Variants in PHC3 observed in about 807,000 individuals in gnomAD.
PHC3 encodes the protein polyhomeotic homolog 3, also known as polyhomeotic-like protein 3.
A neutral mutation model predicts 107.4 loss-of-function variants in PHC3; 13 were observed. The observed-to-expected ratio is 0.12, with a 90% CI of 0.08 to 0.19. The LOEUF is 0.19. Ranked by LOEUF, PHC3 falls within the 10% of genes least tolerant of loss-of-function variation. PHC3 has a pLI of 1.00. For synonymous variants in PHC3, 456 were observed against 427.4 expected, an observed-to-expected ratio of 1.07 and a Z score of -0.83; for missense variants, 992 against 1,210.9, an observed-to-expected ratio of 0.82 and a Z score of 2.68.
intron 4 of PHC3, chr3:170,170,836 T>C (rs1729475503): frequency 6.6e-6 from 1 of 152,394 alleles, no homozygotes; most frequent in Non-Finnish European, 1.5e-5. Flanking sequence ...CCTGGGAAAC[T>C]TGGCACAATT....
chr3:170,136,489 C>G lies in PHC3; in HGVS notation c.849G>C (p.Glu283Asp), dbSNP rs768548222. ...TGCTTCGTGATTCCAGGCTTGGGCT[C>G]TCTCCTTTCTTATTACTTTCTGGAG... ...DPSPESNKKGESPSLESRSTA... is the reference protein window; with the variant it reads ...DPSPESNKKGDSPSLESRSTA... Residue 283 changes from glutamate (E) to aspartate (D), a missense_variant, in exon 7 of 15, where the codon GAG (glutamate) becomes GAC (aspartate). By Grantham distance (45) the Glu-to-Asp change is conservative (BLOSUM62 2). Coordinates refer to ENST00000495893, the MANE Select transcript of PHC3 (RefSeq NM_024947.4). 1 of 1,605,644 alleles carries G rather than the reference C, an allele frequency of 6.2e-7. No individual in the cohort carries two copies. Among genetic ancestry groups the G allele is most frequent in the Non-Finnish European group, 8.5e-7 (1 of 1,176,508 alleles).
intron 6 of PHC3, among the ~76,000 whole-genome samples, chr3:170,140,878 A>G (rs1039104289): frequency 3.3e-5 from 5 of 152,042 alleles, no homozygotes; most frequent in Non-Finnish European, 7.4e-5. Flanking sequence ...GATTACAGGC[A>G]TGAGCCATTA....
At chr3:170,152,390 G>A (rs189168909) in intron 4 of PHC3, among the ~76,000 whole-genome samples, 2 of 135,832 alleles carry the variant, frequency 1.5e-5, no homozygotes, top group East Asian at 2.2e-4. Flanking sequence ...GTTTCATGGT[G>A]TTAGGCAGGA....
Position 170,102,468 on chromosome 3 carries a change from G to T in PHC3, c.2833+11C>A. ...AGAAAAATATTAAGGCCAAAGTGAT[G>T]AATTACATACCAGGCAAAGAATGGA... On this transcript the variant is annotated intron_variant, in intron 14 of 14. Coordinates refer to ENST00000495893, the MANE Select transcript of PHC3 (RefSeq NM_024947.4). The T allele has an allele frequency of 6.2e-7, 1 of 1,610,994 alleles. No individual in the cohort carries two copies. Among genetic ancestry groups the T allele is most frequent in the Non-Finnish European group, 8.5e-7 (1 of 1,178,438 alleles).
chr3:170,174,880 AT>A (rs1232154676), intron 2 of PHC3, among the ~76,000 whole-genome samples: 6 of 152,176 alleles, frequency 3.9e-5, no homozygotes, highest in African/African-American at 1.2e-4. Context: ...ATCAATCTCT[AT>A]TTGTTCTTCT....
chr3:170,178,192 G>C (rs1560142709), intron 2 of PHC3, among the ~76,000 whole-genome samples: 1 of 150,762 alleles, frequency 6.6e-6, no homozygotes, highest in African/African-American at 2.4e-5. Context: ...CGCTCAGGCG[G>C]GAGTGCTGTG....
intron 7 of PHC3, among the ~76,000 whole-genome samples, chr3:170,133,182 CT>C (rs757533544): frequency 0.032 from 4,511 of 141,128 alleles, 147 homozygotes; most frequent in African/African-American, 0.097. Context: ...TTCAGATTAA[CT>C]TTTTTTTTTT....
At chr3:170,139,332 T>C (rs1189242478) in intron 6 of PHC3, among the ~76,000 whole-genome samples, 1 of 152,208 alleles carries the variant, frequency 6.6e-6, no homozygotes, top group Non-Finnish European at 1.5e-5. Flanking sequence ...AATCTGTTCA[T>C]GTTTACCAAA....
At position 170,089,659 on chromosome 3, in the gene PHC3, G is replaced by C. The variant is rs1713864665; in HGVS notation, c.*7571C>G. On this transcript the variant is annotated 3_prime_UTR_variant, in exon 15 of 15. Coordinates refer to ENST00000495893, the MANE Select transcript of PHC3 (RefSeq NM_024947.4). Reference sequence around the variant, plus strand: ...CGGACAGGTGTGGTGGCTCATGCCTGTAATCCCAGCACTTAGGGAGGCCAA... The same window carrying C: ...CGGACAGGTGTGGTGGCTCATGCCTCTAATCCCAGCACTTAGGGAGGCCAA... The C allele has an allele frequency of 6.6e-6, 1 of 152,208 alleles. No homozygotes were observed. Among genetic ancestry groups the C allele is most frequent in the Non-Finnish European group, 1.5e-5 (1 of 68,086 alleles). 9.4% of individuals were successfully genotyped at this position (152,208 alleles called of 1,614,324 possible).
Position 170,093,293 on chromosome 3 carries a change from G to A in PHC3, c.*3937C>T, listed in dbSNP as rs1242421115. The stretch of plus-strand genomic sequence containing the variant: ...TCTCTCCAAGAAAGAAGTTTTCATG[G>A]TTTTCTTGGAGCTAGAGGCCTTAGA... On this transcript the variant is annotated 3_prime_UTR_variant, in exon 15 of 15. Transcript: ENST00000495893. The A allele has an allele frequency of 6.6e-6, 1 of 152,150 alleles. No individual in the cohort carries two copies. Among genetic ancestry groups the A allele is most frequent in the Admixed American group, 6.6e-5 (1 of 15,264 alleles). The allele number at this position is 152,150 out of a possible 1,614,324, so 9.4% of individuals were successfully genotyped here. A position where few individuals can be genotyped will look rare whatever the true frequency, so the allele number is the denominator to read the frequency against.
At position 170,096,564 on chromosome 3, in the gene PHC3, A is replaced by G; in HGVS notation, c.*666T>C. The G allele has an allele frequency of 6.6e-6, 1 of 152,178 alleles. No homozygotes were observed. Among genetic ancestry groups the G allele is most frequent in the East Asian group, 1.9e-4 (1 of 5,196 alleles). The allele number at this position is 152,178 out of a possible 1,614,324, so 9.4% of individuals were successfully genotyped here. On this transcript the variant is annotated 3_prime_UTR_variant, in exon 15 of 15. Coordinates refer to ENST00000495893, the MANE Select transcript of PHC3 (RefSeq NM_024947.4). ...TGGCGATCAAAACTGACCTCCACTG[A>G]GAACCACTGCTCTAAATAAATGTAC...
At chr3:170,132,449 A>G (rs976327390) in intron 7 of PHC3, among the ~76,000 whole-genome samples, 1 of 152,178 alleles carries the variant, frequency 6.6e-6, no homozygotes, top group African/African-American at 2.4e-5. Flanking sequence ...CCTAACTCCC[A>G]ATGTGTATTT....
rs1345302860 is a variant in PHC3, at chr3:170,128,832, T to G, written c.1640A>C (p.Gln547Pro). Residue 547 changes from glutamine to proline, a missense_variant, in exon 8 of 15, where the codon CAG becomes CCG. Coordinates refer to ENST00000495893, the MANE Select transcript of PHC3 (RefSeq NM_024947.4). Reference sequence around the variant, plus strand: ...CACCAAAGCATTCTGCACCAAAACCTGGCCCTGGGACAGAATTTCAGGCTG... The same window carrying G: ...CACCAAAGCATTCTGCACCAAAACCGGGCCCTGGGACAGAATTTCAGGCTG... ...QVQPEILSQG[Q>P]VLVQNALVSE... The G allele has an allele frequency of 6.2e-7, 1 of 1,614,034 alleles. No homozygotes were observed. Among genetic ancestry groups the G allele is most frequent in the Non-Finnish European group, 8.5e-7 (1 of 1,179,888 alleles).
chr3:170,090,866 AATTC>A lies in PHC3; in HGVS notation c.*6360_*6363del, dbSNP rs1560004530. 2 of 152,202 alleles carry A rather than the reference AATTC, an allele frequency of 1.3e-5. No homozygotes were observed. The highest frequency in any genetic ancestry group is 2.4e-5 in the African/African-American group (1 of 41,456). 9.4% of individuals were successfully genotyped at this position (152,202 alleles called of 1,614,324 possible). ...GTTAATCCTCATTCATCATCATCTT[AATTC>A]ATTATTTACTACTGAAATAGATTAT... On this transcript the variant is annotated 3_prime_UTR_variant, in exon 15 of 15. Transcript: ENST00000495893.
intron 11 of PHC3, among the ~76,000 whole-genome samples, chr3:170,111,406 AAGG>A (rs1717729828): frequency 6.6e-6 from 1 of 151,280 alleles, no homozygotes; most frequent in Admixed American, 6.6e-5. Context: ...GGAAGGAAGG[AAGG>A]AAGGAAGGAA....
At position 170,117,240 on chromosome 3, in the gene PHC3, A is replaced by G; in HGVS notation, c.2179T>C (p.Leu727=). 2 of 1,614,040 alleles carry G rather than the reference A, an allele frequency of 1.2e-6. No homozygotes were observed. The highest frequency in any genetic ancestry group is 1.7e-6 in the Non-Finnish European group (2 of 1,179,878). Residue 727 remains leucine (L), a synonymous_variant, in exon 10 of 15, where the codon TTG becomes CTG. Coordinates refer to ENST00000495893, the MANE Select transcript of PHC3 (RefSeq NM_024947.4). ...VIEGFVIQEG[L]EPFPVSRSSL... is the part of the protein sequence containing the mutation. ...TTGCTACTTACAGGAAATGGCTCCA[A>G]TCCCTCCTGAATCACAAAGCCTTCA...
chr3:170,174,641 C>T (rs951156023), intron 2 of PHC3, among the ~76,000 whole-genome samples: 2 of 152,156 alleles, frequency 1.3e-5, no homozygotes, highest in African/African-American at 4.8e-5. Flanking sequence ...CTCAGGACAT[C>T]TTGAGCCATA....
At chr3:170,172,165 TTA>T (rs1729697129) in intron 3 of PHC3, among the ~76,000 whole-genome samples, 1 of 152,092 alleles carries the variant, frequency 6.6e-6, no homozygotes, top group African/African-American at 2.4e-5. Flanking sequence ...CAGCTTTACT[TTA>T]TCTCTTATAA....
rs55843010 is a variant in PHC3 at position 170,160,071 on chromosome 3, C to T, written c.415-10827G>A. 4.4e-3 allele frequency among the ~76,000 whole-genome samples: 677 copies of T among 152,276 alleles called. 5 individuals are homozygous for T. The highest frequency in any genetic ancestry group is 0.015 in the African/African-American group (638 of 41,546). ...TACTTGTCTGTATCCTCATTATACT[C>T]TAAAACCTTTGTTCACTTTCAATCC... On this transcript the variant is annotated intron_variant, in intron 4 of 14. Coordinates refer to ENST00000495893, the MANE Select transcript of PHC3 (RefSeq NM_024947.4).
Sources: gnomAD v4.1 joint callset for allele counts (sites outside exome capture counted in the v4.1 genomes callset) on GRCh38, gnomAD v4.1.1 for gene constraint, MANE v1.5 for transcripts, NCBI Gene and HGNC (gene_info 2026-07-23, HGNC 2026-07-21) for gene names.